TYMP: variants seen among roughly 807,000 people sequenced by gnomAD.
The protein encoded by TYMP is thymidine phosphorylase.
In TYMP, 46 loss-of-function variants were observed where a neutral mutation model predicts 42.3. That is an observed-to-expected ratio of 1.09 (90% CI 0.86 to 1.39). The LOEUF is 1.39. TYMP is among the 40% of genes most tolerant of loss of function. The probability of loss-of-function intolerance (pLI) is 0.00; values close to 1 mark genes in which losing one functional copy is unlikely to be tolerated. For missense variants in TYMP, 837 were observed against 677.6 expected, an observed-to-expected ratio of 1.24 and a Z score of -2.61; for synonymous variants, 363 against 308.0, an observed-to-expected ratio of 1.18 and a Z score of -1.87.
In TYMP at chr22:50,529,960, C is replaced by A. The variant is rs1344522161; in HGVS notation, c.-67G>T. On this transcript the variant is annotated 5_prime_UTR_variant, in exon 1 of 10. In the 5' UTR this introduces an upstream ATG that the reference lacks. Transcript: ENST00000252029. ...CCGGATCCCAGCCCAGGTACCCGGC[C>A]TCGCCCGCGGGTCGGGACCGTAGGG... The A allele has an allele frequency of 6.9e-6, 4 of 578,560 alleles. No individual in the cohort carries two copies. The highest frequency in any genetic ancestry group is 1.2e-5 in the Non-Finnish European group (4 of 324,114). The allele number at this position is 578,560 out of a possible 1,614,324, so 35.8% of individuals were successfully genotyped here.
In TYMP at chr22:50,525,761, A is replaced by G; in HGVS notation, c.*9T>C. 6.2e-7 allele frequency: 1 copy of G among 1,610,250 alleles called. No homozygotes were observed. Among genetic ancestry groups the G allele is most frequent in the South Asian group, 1.1e-5 (1 of 90,942 alleles). Reference sequence around the variant, plus strand: ...CCAAGCACTGACAAGGTTTCGCGGCAAAGGAGCTTTATTGCTGCGGCGGCA... The same window carrying G: ...CCAAGCACTGACAAGGTTTCGCGGCGAAGGAGCTTTATTGCTGCGGCGGCA... On this transcript the variant is annotated 3_prime_UTR_variant, in exon 10 of 10. Coordinates refer to ENST00000252029, the MANE Select transcript of TYMP (RefSeq NM_001953.5).
intron 6 of TYMP, 115 bp downstream of exon 6, chr22:50,527,050 G>A: frequency 1.1e-6 from 1 of 878,596 alleles, no homozygotes; most frequent in South Asian, 1.3e-5. Context: ...AGAAGAGGGT[G>A]GGACTGGGGT....
At chr22:50,527,933 C>G (rs2069456260) in intron 4 of TYMP, 1 of 589,766 alleles carries the variant, frequency 1.7e-6, no homozygotes, top group South Asian at 2.1e-5. Context: ...CACCACCACA[C>G]GCGGCTTTTT....
In TYMP at chr22:50,526,337, C is replaced by G. The variant is rs1476152522; in HGVS notation, c.1068G>C (p.Leu356=). The part of the protein sequence containing the change: ...MLAAQGVDPG[L]ARALCSGSPA... ...GACTTCCCGAGCACAGGGCTCGGGC[C>G]AGACCGGGATCCACGCCCTGCGCCG... The change falls in exon 8 of 10, where the codon CTG becomes CTC. Residue 356 remains leucine (L), a synonymous_variant. Transcript: ENST00000252029. The G allele has an allele frequency of 2.6e-6, 4 of 1,561,278 alleles. No individual in the cohort carries two copies. The highest frequency in any genetic ancestry group is 3.4e-6 in the Non-Finnish European group (4 of 1,164,602).
At chr22:50,526,820 C>T (rs2069407037) in intron 6 of TYMP, 82 bp from the exon 7 acceptor site, 4 of 1,428,284 alleles carry the variant, frequency 2.8e-6, no homozygotes, top group Non-Finnish European at 1.9e-6. Flanking sequence ...GCCCCTGCTG[C>T]ACCCTGGGTT....
chr22:50,526,807 C>T, intron 6 of TYMP, 69 bp from the exon 7 acceptor site: 1 of 1,482,784 alleles, frequency 6.7e-7, no homozygotes, highest in Non-Finnish European at 9.0e-7. Flanking sequence ...TGGTCGAACT[C>T]CAGCCCCTGC....
chr22:50,527,025 G>T, intron 6 of TYMP, 140 bp downstream of exon 6: 1 of 794,072 alleles, frequency 1.3e-6, no homozygotes, highest in Non-Finnish European at 2.2e-6. Flanking sequence ...CGTGAAGGAG[G>T]GAGGGACTTC....
rs1329383557 is a variant in TYMP at position 50,528,655 on chromosome 22, C to A, written c.418-45G>T. 3.5e-6 allele frequency: 5 copies of A among 1,435,206 alleles called. No homozygotes were observed. In the South Asian group the frequency reaches 4.6e-5, roughly 13 times the overall value. 88.9% of individuals were successfully genotyped at this position (1,435,206 alleles called of 1,614,324 possible). A position where few individuals can be genotyped will look rare whatever the true frequency, so the allele number is the denominator to read the frequency against. On this transcript the variant is annotated intron_variant, in intron 3 of 9. Coordinates refer to ENST00000252029, the MANE Select transcript of TYMP (RefSeq NM_001953.5). ...AGTACCCTGCACAGTACCCCTCCCCCACCTCTGTGCATCCCTTCACCTTCC... is the reference window on the plus strand; with the variant it reads ...AGTACCCTGCACAGTACCCCTCCCCAACCTCTGTGCATCCCTTCACCTTCC...
intron 4 of TYMP, 107 bp downstream of exon 4, chr22:50,528,405 A>C (rs777393809): frequency 2.9e-5 from 28 of 959,712 alleles, no homozygotes; most frequent in Non-Finnish European, 4.1e-5. Flanking sequence ...AACCTTGACC[A>C]GTGTTCTCAT....
chr22:50,527,724 A>C lies in TYMP; in HGVS notation c.517-7T>G. 6.2e-7 allele frequency: 1 copy of C among 1,611,536 alleles called. No homozygotes were observed. Among genetic ancestry groups the C allele is most frequent in the Non-Finnish European group, 8.5e-7 (1 of 1,179,314 alleles). ...GGTCCAGCAGCACTTGCATCTGGTC[A>C]GACATCCCCTGTTCTCAGTGACTTA... On this transcript the variant is annotated splice_polypyrimidine_tract_variant and splice_region_variant and intron_variant, in intron 4 of 9. Transcript: ENST00000252029.
chr22:50,528,132 C>T (rs1394406286), intron 4 of TYMP: 1 of 386,572 alleles, frequency 2.6e-6, no homozygotes, highest in Non-Finnish European at 4.9e-6. Flanking sequence ...CTGCCTCAGC[C>T]TCCTGAGTAG....
At chr22:50,529,463 C>A (rs369958953) in intron 2 of TYMP, 33 bp downstream of exon 2, 1 of 1,609,646 alleles carries the variant, frequency 6.2e-7, no homozygotes, top group South Asian at 1.1e-5. Flanking sequence ...ACCTCCCAGT[C>A]GGGGTCAGGA....
At position 50,526,429 on chromosome 22, in the gene TYMP, C is replaced by T; in HGVS notation, c.976G>A (p.Gly326Ser). The change falls in exon 8 of 10, where the codon GGC (glycine) becomes AGC (serine). Residue 326 changes from glycine (G) to serine (S), a missense_variant. By Grantham distance (56) the Gly-to-Ser change is moderately conservative. Transcript: ENST00000252029. Reference sequence around the variant, plus strand: ...AGCGCCGCGGCCACCCGGGCAGCGCCCTGGGCCTGAGTCCCCGCGTGTCCG... The same window carrying T: ...AGCGCCGCGGCCACCCGGGCAGCGCTCTGGGCCTGAGTCCCCGCGTGTCCG... Reference protein sequence around the residue: ...LSGHAGTQAQGAARVAAALDD... With the variant: ...LSGHAGTQAQSAARVAAALDD... 2.0e-6 allele frequency: 3 copies of T among 1,509,510 alleles called. No individual in the cohort carries two copies. The highest frequency in any genetic ancestry group is 1.2e-5 in the South Asian group (1 of 80,606). The allele number at this position is 1,509,510 out of a possible 1,614,324, so 93.5% of individuals were successfully genotyped here.
At position 50,526,488 on chromosome 22, in the gene TYMP, G is replaced by A. The variant is rs1320857649; in HGVS notation, c.929-12C>T. 4 of 1,501,086 alleles carry A rather than the reference G, an allele frequency of 2.7e-6. No individual in the cohort carries two copies. The highest frequency in any genetic ancestry group is 2.2e-5 in the Admixed American group (1 of 45,772). 93.0% of individuals were successfully genotyped at this position (1,501,086 alleles called of 1,614,324 possible). A position where few individuals can be genotyped will look rare whatever the true frequency, so the allele number is the denominator to read the frequency against. ...GAGCAGGGCGCCCCCTGCGGGCGGG[G>A]ACGGGTCTTAGGCGCGGCCGGGTCG... On this transcript the variant is annotated splice_polypyrimidine_tract_variant and intron_variant, in intron 7 of 9. Transcript: ENST00000252029.
intron 3 of TYMP, 79 bp from the exon 4 acceptor site, chr22:50,528,689 G>A (rs2069482787): frequency 8.8e-7 from 1 of 1,137,676 alleles, no homozygotes; most frequent in African/African-American, 1.5e-5. Flanking sequence ...CCCTGGCTAG[G>A]AGTGCAGCTG....
intron 7 of TYMP, 35 bp from the exon 8 acceptor site, chr22:50,526,511 T>C (rs1342903980): frequency 6.5e-7 from 1 of 1,527,134 alleles, no homozygotes; most frequent in Admixed American, 2.0e-5. Flanking sequence ...CGCGGCCGGG[T>C]CGGGGCGGCC....
In TYMP at chr22:50,526,259, C is replaced by T. The variant is rs774451989; in HGVS notation, c.1146G>A (p.Leu382=). 1.6e-5 allele frequency: 24 copies of T among 1,537,150 alleles called. No individual in the cohort carries two copies. Among genetic ancestry groups the T allele is most frequent in the East Asian group, 2.5e-5 (1 of 39,486 alleles). The part of the protein sequence containing the change: ...LPRAREQEEL[L]APADGTVELV... ...CCCGACGCTCACCATCTGCGGGCGC[C>T]AGCAGCTCCTCCTGCTCCCGGGCGC... Residue 382 remains leucine (L), a synonymous_variant, in exon 8 of 10, where the codon CTG becomes CTA. Transcript: ENST00000252029.
chr22:50,527,530 TGA>T, intron 5 of TYMP, 56 bp downstream of exon 5: 1 of 1,613,348 alleles, frequency 6.2e-7, no homozygotes, highest in Middle Eastern at 1.6e-4. Flanking sequence ...GCCCTTGACT[TGA>T]GTTTGGAGGT....
chr22:50,528,294 C>T (rs1210101022), intron 4 of TYMP: 18 of 618,078 alleles, frequency 2.9e-5, no homozygotes, highest in East Asian at 1.2e-4. Context: ...TGTGAGCCAC[C>T]GTGCCCCGCC....
Sources: gnomAD v4.1 joint callset for allele counts on GRCh38, gnomAD v4.1.1 for gene constraint, MANE v1.5 for transcripts, NCBI Gene and HGNC (gene_info 2026-07-23, HGNC 2026-07-21) for gene names.